The following FHIT variants were observed in gnomAD, a reference collection of about 807,000 sequenced individuals.
FHIT encodes fragile histidine triad diadenosine triphosphatase, also known as bis(5'-adenosyl)-triphosphatase.
Under a neutral mutation model 17.9 loss-of-function variants are expected in FHIT, and 19 were observed. The observed-to-expected ratio is 1.06, with a 90% CI of 0.74 to 1.56. FHIT has a LOEUF of 1.56. Ranked by LOEUF, FHIT falls within the 40% of genes most tolerant of loss-of-function variation. FHIT has a pLI of 0.00. For synonymous variants in FHIT, 81 were observed against 69.7 expected (o/e 1.16, Z -0.81); for missense variants, 248 against 189.2 (o/e 1.31, Z -1.82).
chr3:59,888,677 G>A (rs1703726576), intron 8 of FHIT, among the ~76,000 whole-genome samples: 1 of 152,108 alleles, frequency 6.6e-6, no homozygotes, highest in South Asian at 2.1e-4. Context: ...CTATGACTGG[G>A]TCCTAGTCTC....
intron 8 of FHIT, among the ~76,000 whole-genome samples, chr3:59,814,882 A>G (rs73098620): frequency 0.037 from 5,594 of 152,244 alleles, 173 homozygotes; most frequent in Non-Finnish European, 0.05. Context: ...GGGGGAATAA[A>G]TATGAAAAAA....
At chr3:59,898,828 C>T (rs996353742) in intron 8 of FHIT, among the ~76,000 whole-genome samples, 3 of 152,098 alleles carry the variant, frequency 2.0e-5, no homozygotes, top group African/African-American at 7.2e-5. Flanking sequence ...GCAAAAACAA[C>T]AATAATAATG....
intron 5 of FHIT, among the ~76,000 whole-genome samples, chr3:60,424,599 C>CCA (rs749162205): frequency 7.3e-5 from 11 of 151,658 alleles, no homozygotes; most frequent in African/African-American, 2.4e-4. Flanking sequence ...CATTTCACAC[C>CCA]CACACACACA....
intron 4 of FHIT, among the ~76,000 whole-genome samples, chr3:60,553,019 G>A (rs757057049): frequency 1.1e-4 from 16 of 152,152 alleles, no homozygotes; most frequent in Non-Finnish European, 1.6e-4. Context: ...AGGGAATGGC[G>A]CCCTGTCCAG....
At chr3:59,854,173 G>C (rs146241526) in intron 8 of FHIT, among the ~76,000 whole-genome samples, 5 of 152,266 alleles carry the variant, frequency 3.3e-5, no homozygotes, top group Non-Finnish European at 5.9e-5. Flanking sequence ...GAAATCCCCA[G>C]AAGCCTAAGG....
chr3:59,926,250 G>T (rs903751865), intron 7 of FHIT, among the ~76,000 whole-genome samples: 8 of 152,106 alleles, frequency 5.3e-5, no homozygotes, highest in Non-Finnish European at 1.0e-4. Flanking sequence ...TTTGATTGTG[G>T]AGTCCTGATT....
At chr3:60,062,127 A>G (rs1702318496) in intron 5 of FHIT, among the ~76,000 whole-genome samples, 1 of 152,142 alleles carries the variant, frequency 6.6e-6, no homozygotes, top group Non-Finnish European at 1.5e-5. Context: ...GAATTTTCAG[A>G]CCTCCAAAAG....
intron 7 of FHIT, among the ~76,000 whole-genome samples, chr3:59,924,336 C>A (rs945387462): frequency 1.3e-5 from 2 of 152,178 alleles, no homozygotes; most frequent in Non-Finnish European, 2.9e-5. Context: ...TCCCATCCAT[C>A]CATCTTTCAT....
In FHIT at chr3:60,763,550, G is replaced by A. The variant is rs79347460; in HGVS notation, c.-18+58369C>T. On this transcript the variant is annotated intron_variant, in intron 4 of 9. Transcript: ENST00000492590. ...GGCATATGGGTGAAAACTTGTCACC[G>A]GACATATAGCTAGTAAGTGGCAAAT... Among the ~76,000 whole-genome samples the A allele has an allele frequency of 8.2e-3, 1,241 of 152,252 alleles. 24 individuals are homozygous for A. Among genetic ancestry groups the A allele is most frequent in the African/African-American group, 0.028 (1,166 of 41,548 alleles).
Position 60,488,412 on chromosome 3 carries a change from C to T in FHIT, c.103+48448G>A, listed in dbSNP as rs540269025. Among the ~76,000 whole-genome samples, 11 of 152,208 alleles carry T rather than the reference C, an allele frequency of 7.2e-5. 1 individual carries two copies. The South Asian group carries it at 2.3e-3, about 32-fold the overall frequency. ...GATACTTTTCTCTTGTATCTGATTC[C>T]AAGTAACCCTGTATTTACTCAACCA... On this transcript the variant is annotated intron_variant, in intron 5 of 9. Transcript: ENST00000492590.
At chr3:60,959,754 G>A (rs935621492) in intron 3 of FHIT, among the ~76,000 whole-genome samples, 9 of 151,408 alleles carry the variant, frequency 5.9e-5, no homozygotes, top group Non-Finnish European at 7.4e-5. Flanking sequence ...TGTAGTTTGC[G>A]TGCAAAAACC....
intron 2 of FHIT, among the ~76,000 whole-genome samples, chr3:61,164,830 T>G (rs2037790558): frequency 2.0e-5 from 3 of 152,200 alleles, no homozygotes; most frequent in Admixed American, 2.0e-4. Flanking sequence ...CCAGTATCAA[T>G]TGTTGCCATC....
chr3:60,569,736 T>TAC (rs2037291423), intron 4 of FHIT, among the ~76,000 whole-genome samples: 2 of 46,260 alleles, frequency 4.3e-5, no homozygotes, highest in Admixed American at 5.2e-4. Context: ...TATATATATA[T>TAC]ATATATATAT....
rs77771960 is a variant in FHIT, at chr3:60,308,136, G to A, written c.103+228724C>T. Among the ~76,000 whole-genome samples, 89 of 152,190 alleles carry A rather than the reference G, an allele frequency of 5.8e-4. 2 individuals carry two copies. In the East Asian group the frequency reaches 0.017, roughly 29 times the overall value. ...AAATCCATGCATTTATTAAGCTCAA[G>A]TCACCCATATAAGGAGTCAGACTTC... On this transcript the variant is annotated intron_variant, in intron 5 of 9. Transcript: ENST00000492590.
chr3:60,027,879 A>G (rs1700820197), intron 5 of FHIT, among the ~76,000 whole-genome samples: 1 of 152,236 alleles, frequency 6.6e-6, no homozygotes. Flanking sequence ...TGTTCAATAT[A>G]GTAGCCACTA....
intron 4 of FHIT, among the ~76,000 whole-genome samples, chr3:60,775,234 T>A (rs1700180266): frequency 6.6e-6 from 1 of 152,128 alleles, no homozygotes; most frequent in Admixed American, 6.5e-5. Context: ...TAAACTCACA[T>A]CTCCACCTGT....
chr3:60,630,795 G>A (rs1553682212), intron 4 of FHIT, among the ~76,000 whole-genome samples: 3 of 151,920 alleles, frequency 2.0e-5, no homozygotes, highest in Admixed American at 2.0e-4. Flanking sequence ...CGTCCCTCTG[G>A]TTTATACAGA....
At chr3:60,911,544 T>C (rs1706744750) in intron 3 of FHIT, among the ~76,000 whole-genome samples, 1 of 152,172 alleles carries the variant, frequency 6.6e-6, no homozygotes, top group Admixed American at 6.6e-5. Flanking sequence ...AGATCATTCA[T>C]GGTATGGGTT....
chr3:60,804,742 T>A (rs1328344086), intron 4 of FHIT, among the ~76,000 whole-genome samples: 2 of 152,176 alleles, frequency 1.3e-5, no homozygotes, highest in African/African-American at 2.4e-5. Context: ...TCTAAGCCTT[T>A]GTTTACCATT....
Sources: allele counts gnomAD v4.1 joint callset (sites outside exome capture counted in the v4.1 genomes callset), GRCh38; gene constraint gnomAD v4.1.1; transcripts MANE v1.5; gene names NCBI Gene and HGNC (gene_info 2026-07-23, HGNC 2026-07-21).